Variants in JAK1 observed in about 807,000 individuals in gnomAD.
JAK1 encodes tyrosine-protein kinase JAK1.
A neutral mutation model predicts 136.6 loss-of-function variants in JAK1; 16 were observed. The observed-to-expected ratio is 0.12, with a 90% CI of 0.08 to 0.18. JAK1 has a LOEUF of 0.18. Among genes scored for constraint, JAK1 ranks in the 10% least tolerant of loss-of-function variants. JAK1 has a pLI of 1.00. For missense variants in JAK1, 859 were observed against 1,450.1 expected (o/e 0.59, Z 6.62); for synonymous variants, 492 against 519.5 (o/e 0.95, Z 0.72).
At chr1:64,980,230 G>A (rs1346652214) in intron 2 of JAK1, among the ~76,000 whole-genome samples, 2 of 152,136 alleles carry the variant, frequency 1.3e-5, no homozygotes, top group Non-Finnish European at 2.9e-5. Context: ...TGCCTGGACT[G>A]TGGAAGTGTA....
intron 1 of JAK1, among the ~76,000 whole-genome samples, chr1:64,927,862 T>C (rs1570790485): frequency 1.3e-5 from 2 of 151,996 alleles, no homozygotes; most frequent in South Asian, 4.2e-4. Flanking sequence ...GTTGGGCAGG[T>C]TGGGCACTGC....
At chr1:65,017,792 G>GA (rs1217707100) in intron 2 of JAK1, among the ~76,000 whole-genome samples, 1 of 148,984 alleles carries the variant, frequency 6.7e-6, no homozygotes, top group Non-Finnish European at 1.5e-5. Flanking sequence ...AATCATAGTG[G>GA]AAAAAATTTT....
At chr1:64,911,340 A>G (rs1373366383) in intron 1 of JAK1, among the ~76,000 whole-genome samples, 4 of 152,132 alleles carry the variant, frequency 2.6e-5, no homozygotes, top group Non-Finnish European at 5.9e-5. Context: ...GTGTGCTATC[A>G]ATAATTATAC....
intron 2 of JAK1, among the ~76,000 whole-genome samples, chr1:64,975,967 G>T (rs1318256844): frequency 1.3e-5 from 2 of 152,138 alleles, no homozygotes; most frequent in African/African-American, 2.4e-5. Context: ...GACCTTTGTT[G>T]TGTCCCCTGG....
intron 2 of JAK1, chr1:64,972,437 A>C (rs1646460413): frequency 6.6e-6 from 1 of 152,258 alleles, no homozygotes; most frequent in African/African-American, 2.4e-5. Flanking sequence ...ATCTAAAATT[A>C]TACAGTCCAT....
intron 1 of JAK1, among the ~76,000 whole-genome samples, chr1:65,055,236 G>T (rs187866661): frequency 3.6e-3 from 548 of 152,250 alleles, no homozygotes; most frequent in Middle Eastern, 6.8e-3. Flanking sequence ...AGCCTCATGT[G>T]AGTGGAATCA....
Position 64,879,107 on chromosome 1 carries a change from C to T in JAK1, c.247G>A (p.Glu83Lys), listed in dbSNP as rs770735783. 15 of 1,613,654 alleles carry T rather than the reference C, an allele frequency of 9.3e-6. No homozygotes were observed. The highest frequency in any genetic ancestry group is 1.7e-5 in the Admixed American group (1 of 59,978). Residue 83 changes from glutamate to lysine, a missense_variant, in exon 4 of 25, where the codon GAG becomes AAG. By Grantham distance (56) the Glu-to-Lys change is moderately conservative. Transcript: ENST00000342505. ...GGAGCATACCAGAGCTTGGTGTTCT[C>T]GTCATACAGGGCAAAGAGGTTGTGA... ...LCHNLFALYD[E>K]NTKLWYAPNR...
At chr1:64,866,831 A>C (rs1393220217) in intron 7 of JAK1, 35 bp downstream of exon 7, 1 of 1,476,418 alleles carries the variant, frequency 6.8e-7, no homozygotes, top group South Asian at 1.2e-5. Context: ...TGACACGGGA[A>C]TGTTCTCTTT....
chr1:64,922,472 T>C (rs1645511875), intron 1 of JAK1, among the ~76,000 whole-genome samples: 1 of 124,978 alleles, frequency 8.0e-6, no homozygotes, highest in Non-Finnish European at 1.7e-5. Flanking sequence ...GTACCTAGAC[T>C]TCTCAGTTTA....
intron 2 of JAK1, among the ~76,000 whole-genome samples, chr1:65,015,378 C>T (rs1348540150): frequency 6.6e-6 from 1 of 151,958 alleles, no homozygotes; most frequent in Non-Finnish European, 1.5e-5. Context: ...TAGTGACTAA[C>T]TTTTTACTTA....
chr1:65,010,003 C>T (rs1173496957), intron 2 of JAK1, among the ~76,000 whole-genome samples: 2 of 152,214 alleles, frequency 1.3e-5, no homozygotes, highest in African/African-American at 4.8e-5. Flanking sequence ...ACCCACTAGA[C>T]TTTCGACTCC....
chr1:64,894,069 T>C (rs1277307841), intron 1 of JAK1, among the ~76,000 whole-genome samples: 1 of 152,138 alleles, frequency 6.6e-6, no homozygotes, highest in East Asian at 1.9e-4. Flanking sequence ...TCTGCTTACC[T>C]AAGGGTAAAA....
At chr1:64,949,442 T>TA (rs1203182108) in intron 1 of JAK1, among the ~76,000 whole-genome samples, 5 of 152,234 alleles carry the variant, frequency 3.3e-5, no homozygotes, top group Non-Finnish European at 7.3e-5. Flanking sequence ...TTGTTTCCTT[T>TA]ATTATAACCC....
At chr1:64,972,751 T>G (rs376466001) in intron 2 of JAK1, 5 of 152,448 alleles carry the variant, frequency 3.3e-5, no homozygotes, top group African/African-American at 1.2e-4. Flanking sequence ...ATCCCACCAC[T>G]GCACTCCAGC....
intron 2 of JAK1, among the ~76,000 whole-genome samples, chr1:65,040,411 C>T (rs1238456600): frequency 6.6e-6 from 1 of 152,088 alleles, no homozygotes; most frequent in Non-Finnish European, 1.5e-5. Flanking sequence ...TTCTCCGACT[C>T]TCCTGCTTCC....
At chr1:65,006,429 C>T (rs1483468777) in intron 2 of JAK1, among the ~76,000 whole-genome samples, 1 of 152,160 alleles carries the variant, frequency 6.6e-6, no homozygotes, top group Non-Finnish European at 1.5e-5. Flanking sequence ...ACTCTCATAG[C>T]TTACTGTAAC....
chr1:65,001,413 T>C (rs1359954465), intron 2 of JAK1, among the ~76,000 whole-genome samples: 2 of 151,956 alleles, frequency 1.3e-5, no homozygotes. Flanking sequence ...TGGCGGCGAG[T>C]GCAGTGACTG....
intron 11 of JAK1, among the ~76,000 whole-genome samples, chr1:64,855,063 G>A (rs1193038489): frequency 2.0e-5 from 3 of 152,166 alleles, no homozygotes; most frequent in African/African-American, 4.8e-5. Flanking sequence ...TCATTTACCT[G>A]TAACATCAGC....
At chr1:64,883,782 T>G (rs373220324) in intron 2 of JAK1, among the ~76,000 whole-genome samples, 35 of 152,278 alleles carry the variant, frequency 2.3e-4, no homozygotes, top group Admixed American at 1.8e-3. Context: ...ATTTATTTTC[T>G]CCATTTGCAC....
Sources: allele counts gnomAD v4.1 joint callset (sites outside exome capture counted in the v4.1 genomes callset), GRCh38; gene constraint gnomAD v4.1.1; transcripts MANE v1.5; gene names NCBI Gene and HGNC (gene_info 2026-07-23, HGNC 2026-07-21).